TSC22D2: variants seen among roughly 807,000 people sequenced by gnomAD.
The protein encoded by TSC22D2 is TSC22 domain family protein 2.
A neutral mutation model predicts 50.1 loss-of-function variants in TSC22D2; 5 were observed. The ratio of observed to expected loss-of-function variants is 0.10; its 90% CI spans 0.05 to 0.21. The LOEUF (loss-of-function observed/expected upper bound fraction) is 0.21, where lower values mean the gene tolerates loss of function less well. TSC22D2 is among the 10% of genes least tolerant of loss of function. TSC22D2 has a pLI of 1.00. For missense variants in TSC22D2, 1,003 were observed against 1,015.5 expected, an observed-to-expected ratio of 0.99 and a Z score of 0.17; for synonymous variants, 501 against 450.1, an observed-to-expected ratio of 1.11 and a Z score of -1.43.
chr3:150,438,204 T>C, intron 1 of TSC22D2: 1 of 422,954 alleles, frequency 2.4e-6, no homozygotes. Flanking sequence ...CTAGAATTTT[T>C]TTTAGAATTC....
At chr3:150,454,566 A>C (rs916138398) in intron 1 of TSC22D2, among the ~76,000 whole-genome samples, 1 of 152,176 alleles carries the variant, frequency 6.6e-6, no homozygotes, top group Non-Finnish European at 1.5e-5. Context: ...TTCCATGCCT[A>C]CTGAATCAGA....
At chr3:150,424,942 AT>A (rs1720130768) in intron 1 of TSC22D2, among the ~76,000 whole-genome samples, 2 of 152,192 alleles carry the variant, frequency 1.3e-5, no homozygotes, top group South Asian at 4.1e-4. Flanking sequence ...AGGAGCAATC[AT>A]GGCTAACTTT....
rs1348157456 is a variant in TSC22D2 at position 150,410,485 on chromosome 3, G to A, written c.1135G>A (p.Glu379Lys). 1 of 1,606,668 alleles carries A rather than the reference G, an allele frequency of 6.2e-7. No individual in the cohort carries two copies. The highest frequency in any genetic ancestry group is 2.3e-5 in the East Asian group (1 of 44,396). ...GCCCGTCCAGCCCTCCGGCCAGAGT[G>A]AGTACCTGCAGCAGCACGTGGCCGG... ...LLPVQPSGQS[E>K]YLQQHVAGLQ... The change falls in exon 1 of 3, where the codon GAG becomes AAG. Residue 379 changes from glutamate to lysine, a missense_variant. Around this residue, in one of 6 missense-constraint regions of TSC22D2, gnomAD observed 696 missense variants for 647.8 expected, o/e 1.07. Transcript: ENST00000688009.
At position 150,451,683 on chromosome 3, in the gene TSC22D2, C is replaced by T. The variant is rs548334849; in HGVS notation, c.1959-5393C>T. Reference sequence around the variant, plus strand: ...TGTCTTTGAGCAAGTTACTTGACCTCACTTTCCTCAACTGTAAAATGAGAA... The same window carrying T: ...TGTCTTTGAGCAAGTTACTTGACCTTACTTTCCTCAACTGTAAAATGAGAA... On this transcript the variant is annotated intron_variant, in intron 1 of 2. Transcript: ENST00000688009. 2.6e-5 allele frequency among the ~76,000 whole-genome samples: 4 copies of T among 152,278 alleles called. No homozygotes were observed. The South Asian group carries it at 6.2e-4, about 24-fold the overall frequency.
intron 1 of TSC22D2, among the ~76,000 whole-genome samples, chr3:150,415,723 G>C (rs1358391829): frequency 6.6e-6 from 1 of 152,158 alleles, no homozygotes; most frequent in Non-Finnish European, 1.5e-5. Context: ...GGCTGTAGGA[G>C]GAGGATTGCT....
chr3:150,458,304 A>G, intron 2 of TSC22D2, 72 bp from the exon 3 acceptor site: 1 of 1,488,120 alleles, frequency 6.7e-7, no homozygotes, highest in Non-Finnish European at 9.1e-7. Context: ...CTTAGCACCA[A>G]GTAGGCCAGA....
At chr3:150,456,625 A>AG (rs11376186) in intron 1 of TSC22D2, among the ~76,000 whole-genome samples, 64,469 of 150,986 alleles carry the variant, frequency 0.43, 13,764 homozygotes, top group Middle Eastern at 0.55. Context: ...AGGAGGGACT[A>AG]GAAAAAAAAA....
intron 1 of TSC22D2, among the ~76,000 whole-genome samples, chr3:150,455,884 C>T (rs1397739249): frequency 8.2e-5 from 9 of 109,478 alleles, no homozygotes; most frequent in African/African-American, 2.9e-4. Flanking sequence ...AACCTAATAA[C>T]TGTTTTTAGA....
At chr3:150,439,697 G>C (rs971669481) in intron 1 of TSC22D2, among the ~76,000 whole-genome samples, 10 of 152,060 alleles carry the variant, frequency 6.6e-5, no homozygotes, top group African/African-American at 2.2e-4. Context: ...GCATTTGTCA[G>C]ATTTTCATCT....
At chr3:150,412,008 A>G (rs1292417152) in intron 1 of TSC22D2, among the ~76,000 whole-genome samples, 1 of 152,226 alleles carries the variant, frequency 6.6e-6, no homozygotes, top group Non-Finnish European at 1.5e-5. Flanking sequence ...TCGATCCTTT[A>G]ACTGTAGTGA....
intron 1 of TSC22D2, among the ~76,000 whole-genome samples, chr3:150,439,302 T>C (rs73167534): frequency 7.2e-5 from 11 of 152,304 alleles, no homozygotes; most frequent in African/African-American, 1.9e-4. Flanking sequence ...ACCAGAGATA[T>C]GTTATTTTAT....
Position 150,460,352 on chromosome 3 carries a change from G to C in TSC22D2, c.*1716G>C, listed in dbSNP as rs1194761231. On this transcript the variant is annotated 3_prime_UTR_variant, in exon 3 of 3. Coordinates refer to ENST00000688009, the MANE Select transcript of TSC22D2 (RefSeq NM_001303264.2). Reference sequence around the variant, plus strand: ...AAAACTTTTACTTGAATTCAGAAAGGTGCCTGTAGAAATTAACATGCACTG... The same window carrying C: ...AAAACTTTTACTTGAATTCAGAAAGCTGCCTGTAGAAATTAACATGCACTG... 1 of 152,122 alleles carries C rather than the reference G, an allele frequency of 6.6e-6. No homozygotes were observed. Among genetic ancestry groups the C allele is most frequent in the Non-Finnish European group, 1.5e-5 (1 of 68,014 alleles). The allele number at this position is 152,122 out of a possible 1,614,324, so 9.4% of individuals were successfully genotyped here.
chr3:150,445,119 T>C (rs1720836553), intron 1 of TSC22D2, among the ~76,000 whole-genome samples: 1 of 151,910 alleles, frequency 6.6e-6, no homozygotes, highest in Non-Finnish European at 1.5e-5. Context: ...GTTAAGATTA[T>C]TTTACTCTAA....
rs771333012 is a variant in TSC22D2, at chr3:150,410,309, G to A, written c.959G>A (p.Gly320Glu). 3.6e-5 allele frequency: 56 copies of A among 1,571,146 alleles called. No homozygotes were observed. The highest frequency in any genetic ancestry group is 9.2e-5 in the East Asian group (4 of 43,642). The change falls in exon 1 of 3, where the codon GGG becomes GAG. Residue 320 changes from glycine (G) to glutamate (E), a missense_variant. This residue lies in a region of TSC22D2 where 696 missense variants were observed against 647.8 expected (regional missense o/e 1.07). Coordinates refer to ENST00000688009, the MANE Select transcript of TSC22D2 (RefSeq NM_001303264.2). ...AGCCAGCCCCAGGGAGCGGGGCCCG[G>A]GGGACAGACTCTGCCGCCGACGAAT... ...QPSQPQGAGP[G>E]GQTLPPTNVT...
chr3:150,443,097 C>T lies in TSC22D2; in HGVS notation c.1959-13979C>T, dbSNP rs577332032. ...TGGTCATTTATTCTAACCACCTATC[C>T]TATACTTGGATCATGTCTACAGTGT... On this transcript the variant is annotated intron_variant, in intron 1 of 2. Coordinates refer to ENST00000688009, the MANE Select transcript of TSC22D2 (RefSeq NM_001303264.2). 9.8e-5 allele frequency among the ~76,000 whole-genome samples: 15 copies of T among 152,312 alleles called. No individual in the cohort carries two copies. The South Asian group carries it at 2.7e-3, about 27-fold the overall frequency.
rs1719554202 is a variant in TSC22D2, at chr3:150,411,235, C to G, written c.1885C>G (p.Gln629Glu). ...TGCAGATTCCCTGGCAAACCCCCTT[C>G]AGTTAACACCTATGAACAGTCTGGC... ...PVADSLANPLQLTPMNSLATS... is the reference protein window; with the variant it reads ...PVADSLANPLELTPMNSLATS... Residue 629 changes from glutamine (Q) to glutamate (E), a missense_variant, in exon 1 of 3, where the codon CAG becomes GAG. Around this residue, in one of 6 missense-constraint regions of TSC22D2, gnomAD observed 696 missense variants for 647.8 expected, o/e 1.07. Transcript: ENST00000688009. 6.2e-7 allele frequency: 1 copy of G among 1,614,232 alleles called. No individual in the cohort carries two copies. The highest frequency in any genetic ancestry group is 1.3e-5 in the African/African-American group (1 of 75,052).
chr3:150,415,762 G>A (rs1719772368), intron 1 of TSC22D2, among the ~76,000 whole-genome samples: 1 of 152,144 alleles, frequency 6.6e-6, no homozygotes, highest in African/African-American at 2.4e-5. Flanking sequence ...GCTACAGTGA[G>A]CTATATTATA....
intron 1 of TSC22D2, among the ~76,000 whole-genome samples, chr3:150,413,576 T>C (rs1719673300): frequency 6.8e-6 from 1 of 146,362 alleles, no homozygotes; most frequent in Non-Finnish European, 1.5e-5. Context: ...TTTTTTTTAA[T>C]AGAAAGCTTT....
At chr3:150,446,617 C>G (rs1321375534) in intron 1 of TSC22D2, among the ~76,000 whole-genome samples, 2 of 152,142 alleles carry the variant, frequency 1.3e-5, no homozygotes, top group African/African-American at 4.8e-5. Flanking sequence ...GCTTTCCCCC[C>G]ACCCCCAATA....
Sources: allele counts gnomAD v4.1 joint callset (sites outside exome capture counted in the v4.1 genomes callset), GRCh38; gene constraint gnomAD v4.1.1; regional missense constraint gnomAD v4.1.1; transcripts MANE v1.5; gene names NCBI Gene and HGNC (gene_info 2026-07-23, HGNC 2026-07-21).